The following PPP1R13B variants were observed in gnomAD, a reference collection of about 807,000 sequenced individuals.
PPP1R13B encodes the protein apoptosis-stimulating of p53 protein 1.
In PPP1R13B, 44 loss-of-function variants were observed where a neutral mutation model predicts 119.8. That is an observed-to-expected ratio of 0.37 (90% CI 0.29 to 0.47). The LOEUF is 0.47. Among genes scored for constraint, PPP1R13B ranks in the 20% least tolerant of loss-of-function variants. The pLI is 0.99. For missense variants in PPP1R13B, 1,227 were observed against 1,413.5 expected (o/e 0.87, Z 2.12); for synonymous variants, 542 against 561.5 (o/e 0.97, Z 0.49).
chr14:103,776,159 AGGAAGGGAAGGAGGGAGGGAGGGAGGG>A (rs2085182533), intron 4 of PPP1R13B, among the ~76,000 whole-genome samples: 1 of 121,070 alleles, frequency 8.3e-6, no homozygotes, highest in Non-Finnish European at 1.7e-5. Context: ...GAAGGAAGGG[AGGAAGGGAAGGAGGGAGGGAGGGAGGG>A]AGGAAGGAAG....
intron 1 of PPP1R13B, among the ~76,000 whole-genome samples, chr14:103,806,521 C>T (rs959845332): frequency 5.3e-5 from 8 of 152,046 alleles, no homozygotes; most frequent in Non-Finnish European, 1.0e-4. Context: ...CAGGAAGACC[C>T]CTTTAGCTTT....
At chr14:103,755,797 A>G (rs1421016050) in intron 5 of PPP1R13B, among the ~76,000 whole-genome samples, 1 of 152,240 alleles carries the variant, frequency 6.6e-6, no homozygotes, top group Non-Finnish European at 1.5e-5. Flanking sequence ...TACTATGTAT[A>G]TTTTATCTTA....
Position 103,749,950 on chromosome 14 carries a change from TACA to T in PPP1R13B, c.829-19_829-17del. On this transcript the variant is annotated splice_polypyrimidine_tract_variant and intron_variant, in intron 7 of 16. Coordinates refer to ENST00000202556, the MANE Select transcript of PPP1R13B (RefSeq NM_015316.3). Reference sequence around the variant, plus strand: ...GGTTACGAATCTACAAACCACAAAATACAACCTTTATGATTTGTGTTAATTAAA... The same window carrying T: ...GGTTACGAATCTACAAACCACAAAATACCTTTATGATTTGTGTTAATTAAA... 1 of 1,608,466 alleles carries T rather than the reference TACA, an allele frequency of 6.2e-7. No individual in the cohort carries two copies.
Position 103,738,535 on chromosome 14 carries a change from A to C in PPP1R13B, c.2864+144T>G. The C allele has an allele frequency of 4.0e-5, 49 of 1,234,218 alleles. No homozygotes were observed. The highest frequency in any genetic ancestry group is 5.0e-5 in the Non-Finnish European group (45 of 893,624). The allele number at this position is 1,234,218 out of a possible 1,614,324, so 76.5% of individuals were successfully genotyped here. On this transcript the variant is annotated intron_variant, in intron 14 of 16. Coordinates refer to ENST00000202556, the MANE Select transcript of PPP1R13B (RefSeq NM_015316.3). The surrounding 1 kb of genome is among the most constrained non-coding windows in gnomAD (Gnocchi z 5.6). ...AAAAAAAGGCAAGGAAACCCTGGCAACAGCTGTCTTTCAAGGATGAAATGA... is the reference window on the plus strand; with the variant it reads ...AAAAAAAGGCAAGGAAACCCTGGCACCAGCTGTCTTTCAAGGATGAAATGA...
chr14:103,843,819 G>T (rs543849555), intron 1 of PPP1R13B, among the ~76,000 whole-genome samples: 2 of 152,112 alleles, frequency 1.3e-5, no homozygotes, highest in South Asian at 4.2e-4. Flanking sequence ...TGGGCGTGGC[G>T]GCGCACGCCT....
chr14:103,839,213 C>T (rs570751811), intron 1 of PPP1R13B, among the ~76,000 whole-genome samples: 2 of 152,138 alleles, frequency 1.3e-5, no homozygotes, highest in Admixed American at 1.3e-4. Flanking sequence ...GGGATTTCAC[C>T]GTGTTAGCCA....
In PPP1R13B at chr14:103,738,790, T is replaced by C. The variant is rs368408684; in HGVS notation, c.2753A>G (p.Asn918Ser). ...GTGCAGTGGGGTGATCCCTTCGTCGTTGGGCTTGCTGGGATCTTCCACCTA... is the reference window on the plus strand; with the variant it reads ...GTGCAGTGGGGTGATCCCTTCGTCGCTGGGCTTGCTGGGATCTTCCACCTA... ...IYEVEDPSKP[N>S]DEGITPLHNA... The change falls in exon 14 of 17, where the codon AAC becomes AGC. Residue 918 changes from asparagine (N) to serine (S), a missense_variant. Asn to Ser is a conservative substitution (Grantham distance 46, BLOSUM62 1). Coordinates refer to ENST00000202556, the MANE Select transcript of PPP1R13B (RefSeq NM_015316.3). This position sits in a 1 kb window ranked among gnomAD's most constrained non-coding sequence, Gnocchi z 5.6. The C allele has an allele frequency of 5.5e-5, 89 of 1,614,052 alleles. No homozygotes were observed. Among genetic ancestry groups the C allele is most frequent in the Non-Finnish European group, 7.2e-5 (85 of 1,180,042 alleles).
Position 103,737,712 on chromosome 14 carries a change from A to G in PPP1R13B, c.3013T>C (p.Cys1005Arg). Reference protein sequence around the residue: ...CEEMEEGYIQCSQFLYGVQEK... With the variant: ...CEEMEEGYIQRSQFLYGVQEK... ...TGCGTACCATATAGAAACTGGGAGC[A>G]CTGGATGTAGCCTTCCTCCATCTCC... The change falls in exon 15 of 17, where the codon TGC becomes CGC. Residue 1005 changes from cysteine (C) to arginine (R), a missense_variant. Physicochemically the swap from Cys to Arg is radical, Grantham distance 180 (BLOSUM62 -3). Transcript: ENST00000202556. The G allele has an allele frequency of 1.2e-6, 2 of 1,614,230 alleles. No homozygotes were observed. The highest frequency in any genetic ancestry group is 1.7e-6 in the Non-Finnish European group (2 of 1,180,032).
intron 2 of PPP1R13B, among the ~76,000 whole-genome samples, chr14:103,786,880 G>A (rs756546646): frequency 6.8e-6 from 1 of 147,948 alleles, no homozygotes; most frequent in Non-Finnish European, 1.5e-5. Flanking sequence ...GCTAATTTTT[G>A]TATTTTTAGT....
intron 5 of PPP1R13B, among the ~76,000 whole-genome samples, chr14:103,755,073 C>T (rs1240495022): frequency 4.9e-5 from 7 of 143,312 alleles, no homozygotes; most frequent in African/African-American, 8.1e-5. Context: ...TGAGCCACCG[C>T]GCCCGGTGAG....
intron 4 of PPP1R13B, chr14:103,764,549 G>A (rs1251527423): frequency 1.2e-5 from 3 of 245,802 alleles, no homozygotes; most frequent in Admixed American, 5.5e-5. Context: ...GTTAATTATT[G>A]TAGTCAGTAG....
Position 103,734,273 on chromosome 14 carries a change from A to G in PPP1R13B, c.*881T>C. ...AGGCGTCTGCCATCCTTCAGGCACCAAACAGCCCCGTCTACCTGGCCCTGG... is the reference window on the plus strand; with the variant it reads ...AGGCGTCTGCCATCCTTCAGGCACCGAACAGCCCCGTCTACCTGGCCCTGG... On this transcript the variant is annotated 3_prime_UTR_variant, in exon 17 of 17. Transcript: ENST00000202556. The G allele has an allele frequency of 6.3e-6, 2 of 317,518 alleles. No individual in the cohort carries two copies. Among genetic ancestry groups the G allele is most frequent in the South Asian group, 2.7e-5 (1 of 37,552 alleles). 19.7% of individuals were successfully genotyped at this position (317,518 alleles called of 1,614,324 possible).
At chr14:103,785,948 T>C (rs990876522) in intron 2 of PPP1R13B, among the ~76,000 whole-genome samples, 3 of 152,204 alleles carry the variant, frequency 2.0e-5, no homozygotes, top group African/African-American at 7.2e-5. Flanking sequence ...TTGTGAATGT[T>C]TGTCAGTACC....
chr14:103,818,606 C>A (rs1357051763), intron 1 of PPP1R13B: 3 of 507,510 alleles, frequency 5.9e-6, no homozygotes, highest in Admixed American at 6.4e-5. Context: ...GATGACAATT[C>A]TTTCTCCTCT....
At chr14:103,791,575 CTT>C (rs998080774) in intron 2 of PPP1R13B, among the ~76,000 whole-genome samples, 1 of 151,944 alleles carries the variant, frequency 6.6e-6, no homozygotes, top group Non-Finnish European at 1.5e-5. Context: ...AAATACAAAA[CTT>C]AGCCAGGCGT....
chr14:103,780,410 C>G (rs935811643), intron 3 of PPP1R13B, among the ~76,000 whole-genome samples: 1 of 145,380 alleles, frequency 6.9e-6, no homozygotes, highest in Non-Finnish European at 1.5e-5. Context: ...TCACTTGAGC[C>G]CAGGAGGCAG....
chr14:103,742,912 A>C lies in PPP1R13B; in HGVS notation c.1151-89T>G, dbSNP rs1164672868. On this transcript the variant is annotated intron_variant, in intron 9 of 16. Coordinates refer to ENST00000202556, the MANE Select transcript of PPP1R13B (RefSeq NM_015316.3). The surrounding 1 kb of genome is among the most constrained non-coding windows in gnomAD (Gnocchi z 4.9). ...ACACTCTGCCAGAAACAAAAACAGC[A>C]CTGGGACATCCCATTCTGATGCAGA... 7.0e-7 allele frequency: 1 copy of C among 1,432,500 alleles called. No homozygotes were observed. The allele number at this position is 1,432,500 out of a possible 1,614,324, so 88.7% of individuals were successfully genotyped here. A position where few individuals can be genotyped will look rare whatever the true frequency, so the allele number is the denominator to read the frequency against.
At chr14:103,842,301 CTTTT>C (rs34596421) in intron 1 of PPP1R13B, among the ~76,000 whole-genome samples, 3 of 117,948 alleles carry the variant, frequency 2.5e-5, no homozygotes, top group Admixed American at 1.9e-4. Flanking sequence ...AGAGTGCCTT[CTTTT>C]TTTTTTTTTT....
At chr14:103,741,354 G>A (rs1242379415) in intron 11 of PPP1R13B, among the ~76,000 whole-genome samples, 2 of 152,200 alleles carry the variant, frequency 1.3e-5, no homozygotes, top group African/African-American at 4.8e-5. Flanking sequence ...CTATGGGGGA[G>A]GCTCCTACGC....
Sources: allele counts gnomAD v4.1 joint callset (sites outside exome capture counted in the v4.1 genomes callset), GRCh38; gene constraint gnomAD v4.1.1; non-coding constraint Gnocchi (gnomAD v3.1); transcripts MANE v1.5; gene names NCBI Gene and HGNC (gene_info 2026-07-23, HGNC 2026-07-21).